The following PDE4DIP variants were observed in gnomAD, a reference collection of about 807,000 sequenced individuals.
PDE4DIP encodes myomegalin.
In PDE4DIP, 59 loss-of-function variants were observed where a neutral mutation model predicts 221.4. The ratio of observed to expected loss-of-function variants is 0.27; its 90% confidence interval spans 0.22 to 0.33. The LOEUF (loss-of-function observed/expected upper bound fraction) is 0.33, where lower values mean the gene tolerates loss of function less well. Among genes scored for constraint, PDE4DIP ranks in the 10% least tolerant of loss-of-function variants. The pLI is 1.00. For missense variants in PDE4DIP, 1,036 were observed against 2,154.2 expected, an observed-to-expected ratio of 0.48 and a Z score of 10.28; for synonymous variants, 404 against 815.9, an observed-to-expected ratio of 0.50 and a Z score of 8.60.
At chr1:148,938,773 A>G (rs1439359816) in intron 5 of PDE4DIP, among the ~76,000 whole-genome samples, 1 of 151,658 alleles carries the variant, frequency 6.6e-6, no homozygotes, top group Non-Finnish European at 1.5e-5. Context: ...AGATAATGAT[A>G]GAAATTTGCC....
intron 22 of PDE4DIP, among the ~76,000 whole-genome samples, chr1:148,996,552 G>C (rs1307412217): frequency 6.6e-6 from 1 of 152,080 alleles, no homozygotes; most frequent in Non-Finnish European, 1.5e-5. Context: ...GGACTTGAGT[G>C]GCTTTGTCTA....
chr1:149,000,360 G>A (rs1258678505), intron 23 of PDE4DIP, among the ~76,000 whole-genome samples: 6 of 152,158 alleles, frequency 3.9e-5, no homozygotes, highest in Non-Finnish European at 8.8e-5. Context: ...TTCGAGACCA[G>A]CCTGCCCAAC....
At chr1:149,030,389 G>A in intron 43 of PDE4DIP, 111 bp downstream of exon 46, 31 of 1,528,676 alleles carry the variant, frequency 2.0e-5, no homozygotes, top group Non-Finnish European at 2.7e-5. Flanking sequence ...TCCAGGAGAA[G>A]ACTTGGGGTC....
chr1:148,931,547 G>C, intron 2 of PDE4DIP: 1 of 324,014 alleles, frequency 3.1e-6, no homozygotes, highest in South Asian at 2.7e-5. Context: ...CTAATCATCA[G>C]AGAAATATAA....
chr1:149,032,844 C>T (rs1055478), exon 44 of PDE4DIP: 328 of 207,592 alleles, frequency 1.6e-3, no homozygotes, highest in Non-Finnish European at 2.4e-3. Flanking sequence ...CTTCACAGTG[C>T]TGGTAGAATG....
At chr1:148,931,771 T>A (rs2048063744) in intron 2 of PDE4DIP, 29 bp from the exon 6 acceptor site, 1 of 1,525,874 alleles carries the variant, frequency 6.6e-7, no homozygotes, top group Admixed American at 1.7e-5. Flanking sequence ...TATGTCTGGC[T>A]CTGATTGGCT....
At chr1:148,970,984 G>A (rs782213244) in intron 14 of PDE4DIP, among the ~76,000 whole-genome samples, 10 of 151,606 alleles carry the variant, frequency 6.6e-5, no homozygotes, top group African/African-American at 2.4e-4. Flanking sequence ...GACAGTTGGT[G>A]TTATGATTCA....
chr1:148,927,105 GTTGT>G (rs1318207097), intron 1 of PDE4DIP, among the ~76,000 whole-genome samples: 1 of 149,946 alleles, frequency 6.7e-6, no homozygotes, highest in African/African-American at 2.5e-5. Flanking sequence ...CAAATTATTT[GTTGT>G]TTATCTGAAA....
chr1:149,023,378 C>A (rs1188323590), intron 37 of PDE4DIP, among the ~76,000 whole-genome samples: 1 of 151,160 alleles, frequency 6.6e-6, no homozygotes, highest in East Asian at 1.9e-4. Flanking sequence ...TATATGCACC[C>A]TGTTGCCTTG....
At chr1:148,859,443 T>C (rs1161138250) in intron 1 of PDE4DIP, among the ~76,000 whole-genome samples, 1 of 151,588 alleles carries the variant, frequency 6.6e-6, no homozygotes, top group Non-Finnish European at 1.5e-5. Flanking sequence ...AGCAAAATAA[T>C]GTCCTGGTGA....
At chr1:148,927,105 G>C (rs1255077702) in intron 1 of PDE4DIP, among the ~76,000 whole-genome samples, 4 of 149,946 alleles carry the variant, frequency 2.7e-5, no homozygotes, top group African/African-American at 7.4e-5. Flanking sequence ...CAAATTATTT[G>C]TTGTTTATCT....
chr1:149,020,369 A>G, intron 36 of PDE4DIP, 33 bp downstream of exon 39: 1 of 313,610 alleles, frequency 3.2e-6, no homozygotes, highest in East Asian at 5.4e-5. Context: ...AGAAGGTAGC[A>G]TTCTTCATTC....
chr1:148,905,178 G>GTTTTTT (rs56687289), intron 1 of PDE4DIP, among the ~76,000 whole-genome samples: 95 of 94,456 alleles, frequency 1.0e-3, no homozygotes, highest in Non-Finnish European at 1.3e-3. Context: ...TCTCTTCTAG[G>GTTTTTT]TTTTTTTTTT....
intron 1 of PDE4DIP, among the ~76,000 whole-genome samples, chr1:148,859,822 G>GTA (rs1227631263): frequency 2.3e-5 from 3 of 130,024 alleles, no homozygotes; most frequent in African/African-American, 9.4e-5. Flanking sequence ...GTGTGTGTGT[G>GTA]TGTGTGTATG....
upstream of PDE4DIP, among the ~76,000 whole-genome samples, chr1:148,885,008 A>G (rs1402526661): frequency 6.7e-6 from 1 of 149,278 alleles, no homozygotes; most frequent in African/African-American, 2.5e-5. Context: ...CAGCAGGTTA[A>G]TTACTCATCC....
At chr1:148,865,123 C>G (rs587700039) in intron 2 of PDE4DIP, among the ~76,000 whole-genome samples, 143 of 139,904 alleles carry the variant, frequency 1.0e-3, no homozygotes, top group Non-Finnish European at 1.3e-3. Flanking sequence ...GAGTCTTGCT[C>G]TGTCACCCAG....
chr1:149,013,205 T>A (rs1337787079), intron 32 of PDE4DIP, among the ~76,000 whole-genome samples: 1 of 152,224 alleles, frequency 6.6e-6, no homozygotes, highest in East Asian at 1.9e-4. Flanking sequence ...TGAAATGCTG[T>A]TAATCAAGTT....
chr1:148,955,156 T>C (rs1177005608), intron 5 of PDE4DIP, among the ~76,000 whole-genome samples: 4 of 152,228 alleles, frequency 2.6e-5, no homozygotes, highest in Non-Finnish European at 4.4e-5. Context: ...CACTGTATGC[T>C]TAACACTGTG....
At chr1:148,919,657 AG>A (rs1429223101) in intron 1 of PDE4DIP, among the ~76,000 whole-genome samples, 1 of 151,898 alleles carries the variant, frequency 6.6e-6, no homozygotes, top group Non-Finnish European at 1.5e-5. Flanking sequence ...CACTTTTCCT[AG>A]AAGAGATAAG....
Sources: allele counts gnomAD v4.1 joint callset (sites outside exome capture counted in the v4.1 genomes callset), GRCh38; gene constraint gnomAD v4.1.1; transcripts MANE v1.5; gene names NCBI Gene and HGNC (gene_info 2026-07-23, HGNC 2026-07-21).